PSTPIP2: variants seen among roughly 807,000 people sequenced by gnomAD.
The protein encoded by PSTPIP2 is proline-serine-threonine phosphatase interacting protein 2.
In PSTPIP2, 33 loss-of-function variants were observed where a neutral mutation model predicts 63.3. That is an observed-to-expected ratio of 0.52 (90% CI 0.40 to 0.70). The LOEUF is 0.70. Among genes scored for constraint, PSTPIP2 ranks in the 30% least tolerant of loss-of-function variants. The pLI is 0.00. For synonymous variants in PSTPIP2, 125 were observed against 132.7 expected, an observed-to-expected ratio of 0.94 and a Z score of 0.40; for missense variants, 312 against 400.7, an observed-to-expected ratio of 0.78 and a Z score of 1.89.
chr18:46,055,656 C>T (rs1908731361), intron 1 of PSTPIP2, among the ~76,000 whole-genome samples: 1 of 152,178 alleles, frequency 6.6e-6, no homozygotes, highest in South Asian at 2.1e-4. Context: ...TAATAATGCA[C>T]ACAGCCAAAT....
At chr18:46,056,269 C>A (rs1178424239) in intron 1 of PSTPIP2, among the ~76,000 whole-genome samples, 1 of 152,256 alleles carries the variant, frequency 6.6e-6, no homozygotes, top group East Asian at 1.9e-4. Context: ...CCTCTCCAGG[C>A]TTTCCCTGCC....
At chr18:46,043,259 G>C (rs1387498662) in intron 1 of PSTPIP2, among the ~76,000 whole-genome samples, 4 of 148,780 alleles carry the variant, frequency 2.7e-5, no homozygotes, top group Non-Finnish European at 5.9e-5. Context: ...CAAGTATGGT[G>C]GTGTGCCTGT....
intron 2 of PSTPIP2, chr18:46,029,158 A>C: frequency 1.1e-6 from 1 of 928,468 alleles, no homozygotes; most frequent in Non-Finnish European, 1.8e-6. Flanking sequence ...ACTCACAGCA[A>C]GGTTTTTTAT....
At position 45,992,218 on chromosome 18, in the gene PSTPIP2, C is replaced by G; in HGVS notation, c.742-16G>C. On this transcript the variant is annotated splice_polypyrimidine_tract_variant and intron_variant, in intron 10 of 14. Transcript: ENST00000409746. The stretch of plus-strand genomic sequence containing the variant: ...GTTCGTACATCTAATAAAAAAAGGT[C>G]AATTAATAGGTAGAGGTATGTTGAG... The G allele has an allele frequency of 4.2e-6, 6 of 1,434,136 alleles. No individual in the cohort carries two copies. Among genetic ancestry groups the G allele is most frequent in the Non-Finnish European group, 5.7e-6 (6 of 1,050,962 alleles). 88.8% of individuals were successfully genotyped at this position (1,434,136 alleles called of 1,614,324 possible).
intron 1 of PSTPIP2, among the ~76,000 whole-genome samples, chr18:46,044,600 A>C (rs925268621): frequency 6.6e-6 from 1 of 152,236 alleles, no homozygotes; most frequent in East Asian, 1.9e-4. Context: ...AGGCATGGGC[A>C]AGGACTTCAT....
chr18:46,003,249 G>T (rs574521105), intron 6 of PSTPIP2, among the ~76,000 whole-genome samples: 1 of 152,328 alleles, frequency 6.6e-6, no homozygotes, highest in South Asian at 2.1e-4. Flanking sequence ...TCCCGGTGCA[G>T]GTGGAAGTCA....
rs1908583436 is a variant in PSTPIP2 at position 46,051,564 on chromosome 18, A to T, written c.34-11517T>A. On this transcript the variant is annotated intron_variant, in intron 1 of 14. Transcript: ENST00000409746. ...GGTCATGGCTTTTTGAAAGACCATTATTCCTGGAAACTTAACATAGAAGGC... is the reference window on the plus strand; with the variant it reads ...GGTCATGGCTTTTTGAAAGACCATTTTTCCTGGAAACTTAACATAGAAGGC... Among the ~76,000 whole-genome samples, 4 of 152,200 alleles carry T rather than the reference A, an allele frequency of 2.6e-5. No homozygotes were observed. In the South Asian group the frequency reaches 8.3e-4, roughly 32 times the overall value.
At chr18:45,988,950 A>C (rs1340293345) in intron 13 of PSTPIP2, among the ~76,000 whole-genome samples, 191 bp from the exon 14 acceptor site, 1 of 152,218 alleles carries the variant, frequency 6.6e-6, no homozygotes, top group South Asian at 2.1e-4. Context: ...GGAAATCACT[A>C]TTCTGACTTC....
At chr18:46,033,219 C>G (rs1907844520) in intron 2 of PSTPIP2, among the ~76,000 whole-genome samples, 1 of 152,244 alleles carries the variant, frequency 6.6e-6, no homozygotes, top group Non-Finnish European at 1.5e-5. Context: ...CCATGATGCT[C>G]TCAGCTTCCA....
intron 2 of PSTPIP2, among the ~76,000 whole-genome samples, chr18:46,037,278 G>A (rs186259769): frequency 8.1e-4 from 123 of 152,084 alleles, no homozygotes; most frequent in Middle Eastern, 6.8e-3. Context: ...TCAGCCTCCC[G>A]AGTAGCTGGG....
rs1302983286 is a variant in PSTPIP2, at chr18:45,999,556, G to A, written c.418-22C>T. 59 of 1,612,320 alleles carry A rather than the reference G, an allele frequency of 3.7e-5. No homozygotes were observed. The East Asian group carries it at 1.3e-3, about 36-fold the overall frequency. ...TTGCCTTTGTCATTATGAACAAAGAGAACCAAAACAAATGAACAGAGTGTA... is the reference window on the plus strand; with the variant it reads ...TTGCCTTTGTCATTATGAACAAAGAAAACCAAAACAAATGAACAGAGTGTA... On this transcript the variant is annotated intron_variant, in intron 6 of 14. Transcript: ENST00000409746.
intron 1 of PSTPIP2, among the ~76,000 whole-genome samples, chr18:46,060,936 T>A (rs979000476): frequency 6.6e-6 from 1 of 152,160 alleles, no homozygotes; most frequent in Non-Finnish European, 1.5e-5. Context: ...ATGACACGTA[T>A]AAAACAGCAG....
intron 2 of PSTPIP2, among the ~76,000 whole-genome samples, chr18:46,031,937 A>T (rs558243352): frequency 2.6e-5 from 4 of 152,278 alleles, no homozygotes; most frequent in Non-Finnish European, 5.9e-5. Context: ...TGAAACTAGA[A>T]TCTCAGCCTC....
intron 3 of PSTPIP2, among the ~76,000 whole-genome samples, chr18:46,021,657 G>A (rs1218321749): frequency 6.6e-6 from 1 of 151,256 alleles, no homozygotes; most frequent in Non-Finnish European, 1.5e-5. Flanking sequence ...TTAAAACTGA[G>A]AATTTGGGCC....
At chr18:46,014,202 A>T (rs1425425878) in intron 4 of PSTPIP2, among the ~76,000 whole-genome samples, 1 of 152,000 alleles carries the variant, frequency 6.6e-6, no homozygotes, top group Admixed American at 6.6e-5. Context: ...TTTGTATTTT[A>T]GTCGAGATGG....
intron 5 of PSTPIP2, among the ~76,000 whole-genome samples, chr18:46,008,218 T>A (rs2051752502): frequency 6.6e-6 from 1 of 152,192 alleles, no homozygotes; most frequent in African/African-American, 2.4e-5. Flanking sequence ...AAGAGGAAAC[T>A]TGCAAGTGAC....
At position 45,993,377 on chromosome 18, in the gene PSTPIP2, G is replaced by A. The variant is rs533477164; in HGVS notation, c.741+228C>T. ...CCCAAAGTTCTGAGATTACAGGAGT[G>A]AACCACCGCTCCCAGCCATGAATCT... On this transcript the variant is annotated intron_variant, in intron 10 of 14. Coordinates refer to ENST00000409746, the MANE Select transcript of PSTPIP2 (RefSeq NM_024430.4). 2.0e-5 allele frequency among the ~76,000 whole-genome samples: 3 copies of A among 152,294 alleles called. No homozygotes were observed. In the East Asian group the frequency reaches 5.8e-4, roughly 29 times the overall value.
At chr18:46,045,934 CG>C (rs1568228097) in intron 1 of PSTPIP2, among the ~76,000 whole-genome samples, 1 of 152,098 alleles carries the variant, frequency 6.6e-6, no homozygotes, top group Non-Finnish European at 1.5e-5. Context: ...ACAGAGCAAG[CG>C]CCTGCTTCAA....
At chr18:46,060,699 G>A (rs998872749) in intron 1 of PSTPIP2, among the ~76,000 whole-genome samples, 1 of 152,206 alleles carries the variant, frequency 6.6e-6, no homozygotes, top group African/African-American at 2.4e-5. Context: ...TGGCAGGGGA[G>A]GGTGCTGGTC....
Sources: allele counts gnomAD v4.1 joint callset (sites outside exome capture counted in the v4.1 genomes callset), GRCh38; gene constraint gnomAD v4.1.1; transcripts MANE v1.5; gene names NCBI Gene and HGNC (gene_info 2026-07-23, HGNC 2026-07-21).